The following EPHA3 variants were observed in gnomAD, a reference collection of about 807,000 sequenced individuals.
EPHA3 encodes the protein EPH receptor A3, also known as ephrin type-A receptor 3.
A neutral mutation model predicts 107.1 loss-of-function variants in EPHA3; 42 were observed. That is an observed-to-expected ratio of 0.39 (90% confidence interval 0.31 to 0.51). The LOEUF is 0.51. Ranked by LOEUF, EPHA3 falls within the 20% of genes least tolerant of loss-of-function variation. EPHA3 has a pLI of 0.78. For synonymous variants in EPHA3, 461 were observed against 424.8 expected (o/e 1.09, Z -1.05); for missense variants, 1,183 against 1,211.2 (o/e 0.98, Z 0.35).
intron 3 of EPHA3, among the ~76,000 whole-genome samples, chr3:89,239,025 T>G (rs1472634581): frequency 6.6e-6 from 1 of 152,158 alleles, no homozygotes; most frequent in Admixed American, 6.5e-5. Context: ...CATCTTAAAT[T>G]TGGCCACATT....
At chr3:89,283,797 C>A (rs1288785244) in intron 3 of EPHA3, among the ~76,000 whole-genome samples, 1 of 152,078 alleles carries the variant, frequency 6.6e-6, no homozygotes, top group East Asian at 1.9e-4. Context: ...CTTGAAAATT[C>A]ATTCTTTCCC....
At chr3:89,478,941 T>C (rs1442955693) in intron 16 of EPHA3, among the ~76,000 whole-genome samples, 1 of 152,208 alleles carries the variant, frequency 6.6e-6, no homozygotes, top group Non-Finnish European at 1.5e-5. Flanking sequence ...GAATTCTTCC[T>C]CGTCTCTTCT....
intron 3 of EPHA3, among the ~76,000 whole-genome samples, chr3:89,261,874 G>A (rs1403192439): frequency 6.6e-6 from 1 of 150,606 alleles, no homozygotes; most frequent in East Asian, 2.0e-4. Context: ...GGCAAAAACC[G>A]CAATGAATTT....
At chr3:89,226,590 A>G (rs1490538278) in intron 3 of EPHA3, among the ~76,000 whole-genome samples, 1 of 152,134 alleles carries the variant, frequency 6.6e-6, no homozygotes, top group African/African-American at 2.4e-5. Context: ...TTTTAATTAT[A>G]TTTAGAACTT....
chr3:89,479,208 C>A (rs1365095243), intron 16 of EPHA3, among the ~76,000 whole-genome samples, 189 bp from the exon 17 acceptor site: 1 of 152,076 alleles, frequency 6.6e-6, no homozygotes, highest in Non-Finnish European at 1.5e-5. Flanking sequence ...TCTATTCAAC[C>A]CACTACACCA....
chr3:89,160,862 C>G (rs1346595825), intron 2 of EPHA3, among the ~76,000 whole-genome samples: 1 of 152,082 alleles, frequency 6.6e-6, no homozygotes, highest in African/African-American at 2.4e-5. Flanking sequence ...CATTTTTTAA[C>G]TACCTATTTC....
Position 89,450,188 on chromosome 3 carries a change from T to A in EPHA3, c.2508T>A (p.Ala836=), listed in dbSNP as rs538441993. The A allele has an allele frequency of 9.4e-6, 15 of 1,593,434 alleles. No homozygotes were observed. The African/African-American group carries it at 1.9e-4, about 20-fold the overall frequency. The change falls in exon 15 of 17, where the codon GCT becomes GCA. Residue 836 remains alanine (A), a synonymous_variant. Transcript: ENST00000336596. ...WEMSNQDVIK[A]VDEGYRLPPP... ...TGCTTCTCACACAGGTAATTAAAGC[T>A]GTAGATGAGGGCTATCGACTGCCAC...
intron 2 of EPHA3, among the ~76,000 whole-genome samples, chr3:89,148,582 A>C (rs1704620542): frequency 6.6e-6 from 1 of 152,010 alleles, no homozygotes; most frequent in African/African-American, 2.4e-5. Flanking sequence ...AAAAGTTATC[A>C]GGGAAAATTG....
chr3:89,445,745 G>A (rs1709866232), intron 13 of EPHA3, among the ~76,000 whole-genome samples: 1 of 152,200 alleles, frequency 6.6e-6, no homozygotes, highest in African/African-American at 2.4e-5. Flanking sequence ...AATGACACAA[G>A]TGAAAAGACC....
chr3:89,140,935 T>G (rs1383958221), intron 2 of EPHA3, among the ~76,000 whole-genome samples: 1 of 151,684 alleles, frequency 6.6e-6, no homozygotes, highest in Non-Finnish European at 1.5e-5. Flanking sequence ...TAAAGGGCTA[T>G]ATACTATTCC....
chr3:89,117,422 A>G (rs1047424477), intron 1 of EPHA3, among the ~76,000 whole-genome samples: 2 of 152,104 alleles, frequency 1.3e-5, no homozygotes, highest in African/African-American at 4.8e-5. Context: ...CAATTTAGCA[A>G]TTAATAAAAC....
chr3:89,469,402 C>A (rs76762242), intron 15 of EPHA3, among the ~76,000 whole-genome samples: 3 of 152,114 alleles, frequency 2.0e-5, no homozygotes, highest in Admixed American at 2.0e-4. Flanking sequence ...TTATCAAATA[C>A]GTTTCATGCA....
At chr3:89,183,016 A>G (rs922881038) in intron 2 of EPHA3, among the ~76,000 whole-genome samples, 4 of 151,960 alleles carry the variant, frequency 2.6e-5, no homozygotes, top group Non-Finnish European at 2.9e-5. Context: ...TTTTAAGATG[A>G]AAGGAAAACT....
At position 89,225,754 on chromosome 3, in the gene EPHA3, C is replaced by G. The variant is rs1285469045; in HGVS notation, c.814+15234C>G. ...TATGCTGAGTAATTTGGTTTCAAAG[C>G]TCATAGGAGATGAAAATCTGAAAGT... is the stretch of plus-strand genomic sequence containing the variant. On this transcript the variant is annotated intron_variant, in intron 3 of 16. Coordinates refer to ENST00000336596, the MANE Select transcript of EPHA3 (RefSeq NM_005233.6). Among the ~76,000 whole-genome samples the G allele has an allele frequency of 2.6e-5, 4 of 152,016 alleles. No individual in the cohort carries two copies. In the East Asian group the frequency reaches 7.7e-4, roughly 29 times the overall value.
intron 3 of EPHA3, among the ~76,000 whole-genome samples, chr3:89,274,069 T>G (rs1056305988): frequency 1.3e-5 from 2 of 151,990 alleles, no homozygotes; most frequent in African/African-American, 4.8e-5. Flanking sequence ...ACTCAAGTTT[T>G]TGCCATTCTG....
intron 13 of EPHA3, among the ~76,000 whole-genome samples, chr3:89,433,714 T>G (rs902206202): frequency 1.3e-5 from 2 of 152,192 alleles, no homozygotes; most frequent in African/African-American, 4.8e-5. Flanking sequence ...CATGACAAAT[T>G]AAGACAAATT....
chr3:89,382,106 A>G (rs1708520661), intron 5 of EPHA3, among the ~76,000 whole-genome samples: 1 of 152,160 alleles, frequency 6.6e-6, no homozygotes, highest in Admixed American at 6.5e-5. Flanking sequence ...TGCTTGCTTG[A>G]AAAAAGTTCT....
intron 5 of EPHA3, among the ~76,000 whole-genome samples, chr3:89,374,481 A>G (rs1708365549): frequency 6.6e-6 from 1 of 151,886 alleles, no homozygotes; most frequent in Non-Finnish European, 1.5e-5. Context: ...AAATGAGCTG[A>G]CTTTTTTCCT....
chr3:89,208,548 G>T (rs1374248465), intron 2 of EPHA3, among the ~76,000 whole-genome samples: 1 of 143,636 alleles, frequency 7.0e-6, no homozygotes, highest in Non-Finnish European at 1.5e-5. Flanking sequence ...AAAAAAGAAA[G>T]AGAAAGAAAG....
Sources: allele counts gnomAD v4.1 joint callset (sites outside exome capture counted in the v4.1 genomes callset), GRCh38; gene constraint gnomAD v4.1.1; transcripts MANE v1.5; gene names NCBI Gene and HGNC (gene_info 2026-07-23, HGNC 2026-07-21).